The following RPS6KC1 variants were observed in gnomAD, a reference collection of about 807,000 sequenced individuals.
The protein encoded by RPS6KC1 is inactive ribosomal protein S6 kinase delta-1.
A neutral mutation model predicts 103.8 loss-of-function variants in RPS6KC1; 54 were observed. That is an observed-to-expected ratio of 0.52 (90% CI 0.42 to 0.65). The LOEUF is 0.65. Ranked by LOEUF, RPS6KC1 falls within the 30% of genes least tolerant of loss-of-function variation. The probability of loss-of-function intolerance (pLI) is 0.00; values close to 1 mark genes in which losing one functional copy is unlikely to be tolerated. For synonymous variants in RPS6KC1, 439 were observed against 438.7 expected, an observed-to-expected ratio of 1.00 and a Z score of -0.01; for missense variants, 1,151 against 1,253.8, an observed-to-expected ratio of 0.92 and a Z score of 1.24.
chr1:213,588,176 A>C, the RPS6KC1 span, among the ~76,000 whole-genome samples: 30 of 152,234 alleles, frequency 2.0e-4, no homozygotes, highest in Admixed American at 9.2e-4. Context: ...CCCGGGCTCA[A>C]GTGATCCTGC....
chr1:213,638,711 C>T, the RPS6KC1 span, among the ~76,000 whole-genome samples: 1 of 151,984 alleles, frequency 6.6e-6, no homozygotes, highest in Non-Finnish European at 1.5e-5. Flanking sequence ...TTCCATTGAT[C>T]TATTTGTCTA....
chr1:213,213,622 C>T (rs748722481), intron 8 of RPS6KC1, among the ~76,000 whole-genome samples: 4 of 152,134 alleles, frequency 2.6e-5, no homozygotes, highest in Non-Finnish European at 5.9e-5. Flanking sequence ...TTTAATGATC[C>T]TAATATTAGT....
the RPS6KC1 span, among the ~76,000 whole-genome samples, chr1:213,331,316 C>T: frequency 6.6e-6 from 1 of 152,234 alleles, no homozygotes; most frequent in African/African-American, 2.4e-5. Context: ...CAGGAGGGGT[C>T]TCCTTGTGCT....
At chr1:213,839,548 T>A in the RPS6KC1 span, among the ~76,000 whole-genome samples, 1 of 152,326 alleles carries the variant, frequency 6.6e-6, no homozygotes, top group Non-Finnish European at 1.5e-5. Context: ...AAGTTGAGAA[T>A]GAGAAGAATG....
At chr1:213,484,139 C>A in the RPS6KC1 span, among the ~76,000 whole-genome samples, 58 of 95,622 alleles carry the variant, frequency 6.1e-4, no homozygotes, top group Non-Finnish European at 1.3e-3. Context: ...GGAAGACAAC[C>A]CATGATATAA....
chr1:213,562,414 G>A, the RPS6KC1 span, among the ~76,000 whole-genome samples: 1 of 89,604 alleles, frequency 1.1e-5, no homozygotes, highest in South Asian at 4.4e-4. Context: ...TTTTGAGACG[G>A]AGTCTTGCTC....
chr1:213,784,926 C>T, the RPS6KC1 span, among the ~76,000 whole-genome samples: 1 of 152,074 alleles, frequency 6.6e-6, no homozygotes, highest in Non-Finnish European at 1.5e-5. Context: ...AGATATTATA[C>T]TAAAATGTGG....
At chr1:213,260,616 A>AT (rs1443037626) in intron 12 of RPS6KC1, among the ~76,000 whole-genome samples, 1 of 151,618 alleles carries the variant, frequency 6.6e-6, no homozygotes, top group Non-Finnish European at 1.5e-5. Context: ...GTAGTTATGA[A>AT]TTGTGGGTTA....
At chr1:213,818,805 T>C in the RPS6KC1 span, 1 of 152,180 alleles carries the variant, frequency 6.6e-6, no homozygotes, top group Non-Finnish European at 1.5e-5. Context: ...TAGCAGTAGA[T>C]AGAAAGCATG....
the RPS6KC1 span, among the ~76,000 whole-genome samples, chr1:213,743,446 C>G: frequency 6.6e-6 from 1 of 152,154 alleles, no homozygotes; most frequent in Non-Finnish European, 1.5e-5. Context: ...CACTCACTAC[C>G]TGAGTGCAAT....
the RPS6KC1 span, among the ~76,000 whole-genome samples, chr1:213,443,822 G>T: frequency 6.6e-6 from 1 of 152,052 alleles, no homozygotes; most frequent in African/African-American, 2.4e-5. Flanking sequence ...GGAGGCTGAG[G>T]TGGGAGGATC....
the RPS6KC1 span, among the ~76,000 whole-genome samples, chr1:213,556,288 A>G: frequency 1.3e-5 from 2 of 152,230 alleles, no homozygotes; most frequent in African/African-American, 4.8e-5. Context: ...AGAAACATGT[A>G]AAGAATGGGA....
At chr1:213,268,349 T>C (rs1685496705) in intron 14 of RPS6KC1, among the ~76,000 whole-genome samples, 1 of 149,596 alleles carries the variant, frequency 6.7e-6, no homozygotes, top group African/African-American at 2.4e-5. Context: ...TGAAGGTGCA[T>C]AAAGACATTC....
At chr1:213,611,473 C>T in the RPS6KC1 span, among the ~76,000 whole-genome samples, 1 of 152,282 alleles carries the variant, frequency 6.6e-6, no homozygotes, top group Admixed American at 6.5e-5. Flanking sequence ...TGCCAACTCA[C>T]TCTGCAATGG....
At chr1:213,152,176 G>C (rs577595763) in intron 6 of RPS6KC1, among the ~76,000 whole-genome samples, 3 of 143,104 alleles carry the variant, frequency 2.1e-5, no homozygotes, top group Admixed American at 2.0e-4. Flanking sequence ...CTGGCCGGGC[G>C]GGGGGCTGAC....
chr1:213,484,835 G>C, the RPS6KC1 span, among the ~76,000 whole-genome samples: 2 of 152,156 alleles, frequency 1.3e-5, no homozygotes, highest in African/African-American at 4.8e-5. Context: ...AGCTAGGAAA[G>C]ATAAGGAAGC....
chr1:213,813,544 G>A, the RPS6KC1 span, among the ~76,000 whole-genome samples: 23 of 152,282 alleles, frequency 1.5e-4, no homozygotes, highest in South Asian at 4.1e-4. Flanking sequence ...CAAGCCACTC[G>A]TTTCAAATGC....
chr1:213,521,998 A>G, the RPS6KC1 span, among the ~76,000 whole-genome samples: 1 of 152,242 alleles, frequency 6.6e-6, no homozygotes, highest in African/African-American at 2.4e-5. Context: ...GGCTTCTAGA[A>G]TGATGAATCC....
chr1:213,062,692 G>A (rs1279718378), intron 1 of RPS6KC1, among the ~76,000 whole-genome samples: 1 of 151,992 alleles, frequency 6.6e-6, no homozygotes, highest in Non-Finnish European at 1.5e-5. Flanking sequence ...GAGCAGCTGG[G>A]ACTACAGGCG....
Sources: gnomAD v4.1 joint callset for allele counts (sites outside exome capture counted in the v4.1 genomes callset) on GRCh38, gnomAD v4.1.1 for gene constraint, MANE v1.5 for transcripts, NCBI Gene and HGNC (gene_info 2026-07-23, HGNC 2026-07-21) for gene names.